Variants in PHACTR1 observed in about 807,000 individuals in gnomAD.
PHACTR1 encodes the protein RPEL repeat containing 1.
Under a neutral mutation model 69.2 loss-of-function variants are expected in PHACTR1, and 16 were observed. The ratio of observed to expected loss-of-function variants is 0.23; its 90% confidence interval spans 0.16 to 0.35. PHACTR1 has a LOEUF of 0.35. Ranked by LOEUF, PHACTR1 falls within the 10% of genes least tolerant of loss-of-function variation. The probability of loss-of-function intolerance (pLI) is 1.00; values close to 1 mark genes in which losing one functional copy is unlikely to be tolerated. For synonymous variants in PHACTR1, 312 were observed against 284.5 expected (o/e 1.10, Z -0.97); for missense variants, 510 against 734.7 (o/e 0.69, Z 3.54).
chr6:13,036,972 A>C (rs2127703813), intron 4 of PHACTR1, among the ~76,000 whole-genome samples: 2 of 152,310 alleles, frequency 1.3e-5, no homozygotes, highest in Non-Finnish European at 2.9e-5. Context: ...TCCATAGCAA[A>C]CATGGAGGGT....
chr6:13,045,743 G>A (rs1402218603), intron 4 of PHACTR1, among the ~76,000 whole-genome samples: 1 of 152,202 alleles, frequency 6.6e-6, no homozygotes, highest in South Asian at 2.1e-4. Context: ...TGTTTTCCCA[G>A]GGGGCCACTA....
At chr6:12,929,651 T>C (rs116357061) in intron 4 of PHACTR1, among the ~76,000 whole-genome samples, 4,197 of 152,276 alleles carry the variant, frequency 0.028, 184 homozygotes, top group African/African-American at 0.095. Flanking sequence ...ACCACTTCAA[T>C]AGCTGCCAAT....
intron 5 of PHACTR1, among the ~76,000 whole-genome samples, chr6:13,069,420 G>A (rs1403035806): frequency 1.3e-5 from 2 of 151,892 alleles, no homozygotes; most frequent in South Asian, 4.2e-4. Context: ...ATGCCACCAG[G>A]TCTAGTGCCT....
intron 3 of PHACTR1, among the ~76,000 whole-genome samples, chr6:12,743,726 T>A (rs1765381710): frequency 6.6e-6 from 1 of 152,170 alleles, no homozygotes; most frequent in South Asian, 2.1e-4. Flanking sequence ...AACACTCCAC[T>A]GTCAACATTA....
intron 5 of PHACTR1, among the ~76,000 whole-genome samples, chr6:13,111,545 A>C (rs1468839402): frequency 6.6e-6 from 1 of 152,184 alleles, no homozygotes; most frequent in African/African-American, 2.4e-5. Context: ...AACCAGTTTT[A>C]ACTCTTTTTA....
At chr6:12,732,077 G>A (rs1422556126) in intron 3 of PHACTR1, among the ~76,000 whole-genome samples, 2 of 151,854 alleles carry the variant, frequency 1.3e-5, no homozygotes, top group Non-Finnish European at 2.9e-5. Context: ...GAGTTCCTGG[G>A]AGGTGGGGGA....
chr6:12,801,597 C>T (rs958715505), intron 4 of PHACTR1, among the ~76,000 whole-genome samples: 1 of 152,056 alleles, frequency 6.6e-6, no homozygotes, highest in African/African-American at 2.4e-5. Flanking sequence ...AGAGAAGGAG[C>T]TAAGAAGTCT....
chr6:12,898,491 A>G (rs1784896532), intron 4 of PHACTR1, among the ~76,000 whole-genome samples: 1 of 152,178 alleles, frequency 6.6e-6, no homozygotes, highest in Non-Finnish European at 1.5e-5. Flanking sequence ...CTATTTGCCA[A>G]ACCAGAAACC....
intron 4 of PHACTR1, among the ~76,000 whole-genome samples, chr6:12,967,334 A>G (rs1421716310): frequency 6.6e-6 from 1 of 152,214 alleles, no homozygotes; most frequent in African/African-American, 2.4e-5. Flanking sequence ...GTGGCACTCC[A>G]TTAAAACAAC....
At chr6:12,974,102 A>G (rs752639945) in intron 4 of PHACTR1, among the ~76,000 whole-genome samples, 13 of 151,932 alleles carry the variant, frequency 8.6e-5, no homozygotes, top group Non-Finnish European at 1.8e-4. Flanking sequence ...TTGTATTTTT[A>G]GTAGAGACGG....
At chr6:12,776,949 A>T (rs1770137562) in intron 4 of PHACTR1, among the ~76,000 whole-genome samples, 1 of 152,172 alleles carries the variant, frequency 6.6e-6, no homozygotes, top group African/African-American at 2.4e-5. Context: ...CCATTGAGTC[A>T]AAATAATAGT....
intron 5 of PHACTR1, among the ~76,000 whole-genome samples, chr6:13,055,570 T>G (rs190111196): frequency 5.3e-5 from 8 of 152,366 alleles, no homozygotes; most frequent in African/African-American, 1.4e-4. Context: ...CTTCCTGACT[T>G]TGCTAAGCAA....
intron 3 of PHACTR1, among the ~76,000 whole-genome samples, chr6:12,743,223 G>A (rs1483100225): frequency 1.3e-5 from 2 of 149,378 alleles, no homozygotes; most frequent in Non-Finnish European, 3.0e-5. Context: ...AAAAACAACT[G>A]ATGACACTAG....
chr6:12,724,952 T>C (rs1762595390), intron 3 of PHACTR1, among the ~76,000 whole-genome samples: 1 of 152,150 alleles, frequency 6.6e-6, no homozygotes, highest in African/African-American at 2.4e-5. Flanking sequence ...TCTTTTATCA[T>C]TTAAAATAAC....
At chr6:13,105,236 G>A (rs1415882699) in intron 5 of PHACTR1, among the ~76,000 whole-genome samples, 2 of 152,062 alleles carry the variant, frequency 1.3e-5, no homozygotes, top group East Asian at 1.9e-4. Flanking sequence ...AAAATTAGCC[G>A]AGCATGGTGA....
chr6:13,229,346 G>A (rs190448471), intron 9 of PHACTR1, among the ~76,000 whole-genome samples: 1 of 152,226 alleles, frequency 6.6e-6, no homozygotes, highest in East Asian at 1.9e-4. Flanking sequence ...TGTTCCCTGG[G>A]GAGCAAAATC....
At chr6:13,004,238 A>T (rs762058974) in intron 4 of PHACTR1, among the ~76,000 whole-genome samples, 2 of 151,922 alleles carry the variant, frequency 1.3e-5, no homozygotes, top group Non-Finnish European at 2.9e-5. Context: ...TCCCATCAAC[A>T]GGGTATAAGT....
At position 13,179,819 on chromosome 6, in the gene PHACTR1, T is replaced by TTG. The variant is rs1761961488; in HGVS notation, c.497-2699_497-2698insGT. ...TAAAATATGTGTATGGTCTGTACAT[T>TTG]TCTTCTAATTGTGTAAATTGGAAAA... On this transcript the variant is annotated intron_variant, in intron 6 of 14. Transcript: ENST00000332995. This position sits in a 1 kb window ranked among gnomAD's most constrained non-coding sequence, Gnocchi z 4.2. 6.6e-6 allele frequency among the ~76,000 whole-genome samples: 1 copy of TTG among 152,226 alleles called. No individual in the cohort carries two copies. Among genetic ancestry groups the TTG allele is most frequent in the Admixed American group, 6.5e-5 (1 of 15,282 alleles).
At chr6:13,262,358 G>A (rs1776033042) in intron 10 of PHACTR1, among the ~76,000 whole-genome samples, 1 of 152,110 alleles carries the variant, frequency 6.6e-6, no homozygotes, top group Non-Finnish European at 1.5e-5. Flanking sequence ...TAAGTCTGAT[G>A]GCCCATAGGA....
Sources: allele counts gnomAD v4.1 joint callset (sites outside exome capture counted in the v4.1 genomes callset), GRCh38; gene constraint gnomAD v4.1.1; non-coding constraint Gnocchi (gnomAD v3.1); transcripts MANE v1.5; gene names NCBI Gene and HGNC (gene_info 2026-07-23, HGNC 2026-07-21).